POU6F2: variants seen among roughly 807,000 people sequenced by gnomAD.
POU6F2 encodes POU class 6 homeobox 2.
A neutral mutation model predicts 71.3 loss-of-function variants in POU6F2; 31 were observed. That is an observed-to-expected ratio of 0.43 (90% CI 0.33 to 0.59). The LOEUF (loss-of-function observed/expected upper bound fraction) is 0.59. Among genes scored for constraint, POU6F2 ranks in the 20% least tolerant of loss-of-function variants. The pLI, the probability that POU6F2 is intolerant of heterozygous loss-of-function variation, is 0.04. For synonymous variants in POU6F2, 347 were observed against 355.7 expected (o/e 0.98, Z 0.27); for missense variants, 783 against 856.8 (o/e 0.91, Z 1.07).
chr7:39,166,851 C>A (rs1793125831), intron 2 of POU6F2, among the ~76,000 whole-genome samples: 1 of 152,268 alleles, frequency 6.6e-6, no homozygotes, highest in Admixed American at 6.5e-5. Flanking sequence ...ATTTCATGAC[C>A]AGTAGTGTCC....
At chr7:39,139,234 G>A (rs1307682396) in intron 2 of POU6F2, among the ~76,000 whole-genome samples, 1 of 152,126 alleles carries the variant, frequency 6.6e-6, no homozygotes, top group African/African-American at 2.4e-5. Flanking sequence ...AGATTATTGA[G>A]GCATTAGAGG....
chr7:39,314,793 T>TA (rs1229892331), intron 4 of POU6F2, among the ~76,000 whole-genome samples: 1 of 151,952 alleles, frequency 6.6e-6, no homozygotes, highest in South Asian at 2.1e-4. Flanking sequence ...AAGCGCTGAA[T>TA]AAAAAAAGAA....
At chr7:39,321,645 A>C (rs564375477) in intron 4 of POU6F2, among the ~76,000 whole-genome samples, 1 of 152,328 alleles carries the variant, frequency 6.6e-6, no homozygotes, top group East Asian at 1.9e-4. Context: ...GTTTTCCCAG[A>C]TAGGATGTGA....
chr7:39,139,572 C>G (rs1792455570), intron 2 of POU6F2, among the ~76,000 whole-genome samples: 1 of 152,200 alleles, frequency 6.6e-6, no homozygotes, highest in Admixed American at 6.5e-5. Flanking sequence ...ACTCTGGATG[C>G]TGTTTTGCAA....
At chr7:39,136,475 C>T (rs908834283) in intron 2 of POU6F2, among the ~76,000 whole-genome samples, 1 of 152,068 alleles carries the variant, frequency 6.6e-6, no homozygotes, top group African/African-American at 2.4e-5. Flanking sequence ...TAGTATGCAC[C>T]AACGTCCTGG....
intron 4 of POU6F2, among the ~76,000 whole-genome samples, chr7:39,287,917 G>T (rs1169200224): frequency 6.6e-6 from 1 of 152,132 alleles, no homozygotes; most frequent in Non-Finnish European, 1.5e-5. Flanking sequence ...AGATGCTCAG[G>T]GGGGCTTTCT....
At chr7:38,995,878 A>G (rs1788720168) in intron 1 of POU6F2, among the ~76,000 whole-genome samples, 1 of 152,136 alleles carries the variant, frequency 6.6e-6, no homozygotes. Flanking sequence ...TAATCTGATT[A>G]TTGCCACCCA....
chr7:39,096,969 TTA>T (rs1791467553), intron 2 of POU6F2, among the ~76,000 whole-genome samples: 1 of 152,166 alleles, frequency 6.6e-6, no homozygotes, highest in African/African-American at 2.4e-5. Context: ...ATATGTGGAA[TTA>T]TTTTTTAAAT....
intron 2 of POU6F2, chr7:39,120,951 T>G (rs1296957141): frequency 1.3e-5 from 2 of 152,220 alleles, no homozygotes; most frequent in Non-Finnish European, 2.9e-5. Context: ...TTTGCAAGAT[T>G]CTGCTAGGCC....
chr7:39,204,918 C>G (rs1378874499), intron 3 of POU6F2, among the ~76,000 whole-genome samples: 1 of 103,106 alleles, frequency 9.7e-6, no homozygotes, highest in Admixed American at 9.7e-5. Flanking sequence ...TTTTTTTTTT[C>G]CTTTTTACCT....
chr7:39,420,336 A>T (rs1787824055), intron 6 of POU6F2, among the ~76,000 whole-genome samples: 1 of 152,352 alleles, frequency 6.6e-6, no homozygotes, highest in East Asian at 1.9e-4. Flanking sequence ...CCTTAAATGA[A>T]CACAAAAGGA....
At chr7:39,075,698 A>G (rs1033969232) in intron 1 of POU6F2, among the ~76,000 whole-genome samples, 4 of 152,218 alleles carry the variant, frequency 2.6e-5, no homozygotes, top group Non-Finnish European at 5.9e-5. Context: ...TAGTGCTGGC[A>G]GTGGCCAGCT....
intron 1 of POU6F2, among the ~76,000 whole-genome samples, chr7:39,054,101 C>G (rs1273490029): frequency 6.6e-6 from 1 of 150,834 alleles, no homozygotes; most frequent in South Asian, 2.1e-4. Flanking sequence ...GACTCCATCT[C>G]CAAAAAAAAG....
chr7:39,420,258 A>G (rs1207277434), intron 6 of POU6F2, among the ~76,000 whole-genome samples: 3 of 152,218 alleles, frequency 2.0e-5, no homozygotes, highest in Admixed American at 2.0e-4. Flanking sequence ...ACTATTTAGG[A>G]TTTTTAATAC....
At position 39,030,187 on chromosome 7, in the gene POU6F2, A is replaced by G. The variant is rs535875600; in HGVS notation, c.105+52129A>G. ...GTGAAGTCCTAAAATCATGAATTAAATGTATATAATAATGAAGAAAGATGT... is the reference window on the plus strand; with the variant it reads ...GTGAAGTCCTAAAATCATGAATTAAGTGTATATAATAATGAAGAAAGATGT... On this transcript the variant is annotated intron_variant, in intron 1 of 9. Transcript: ENST00000518318. Among the ~76,000 whole-genome samples the G allele has an allele frequency of 3.6e-4, 54 of 152,102 alleles. 1 individual carries two copies. In the East Asian group the frequency reaches 8.7e-3, roughly 25 times the overall value.
chr7:39,408,312 G>A (rs911991913), intron 6 of POU6F2, among the ~76,000 whole-genome samples: 4 of 152,094 alleles, frequency 2.6e-5, no homozygotes, highest in Non-Finnish European at 5.9e-5. Flanking sequence ...AAAATACACT[G>A]ATATGCTCCA....
At chr7:39,442,720 T>C (rs536940119) in intron 7 of POU6F2, among the ~76,000 whole-genome samples, 2 of 152,310 alleles carry the variant, frequency 1.3e-5, no homozygotes, top group East Asian at 1.9e-4. Flanking sequence ...CAAAATTATC[T>C]CTGGGGGAAA....
At chr7:39,100,891 C>G (rs1791557020) in intron 2 of POU6F2, among the ~76,000 whole-genome samples, 1 of 152,038 alleles carries the variant, frequency 6.6e-6, no homozygotes, top group African/African-American at 2.4e-5. Flanking sequence ...AAAACAAATA[C>G]AAGGTTGGGC....
At chr7:38,996,035 CTTTTTTTTTTTTT>C (rs5883669) in intron 1 of POU6F2, among the ~76,000 whole-genome samples, 3 of 85,390 alleles carry the variant, frequency 3.5e-5, no homozygotes, top group African/African-American at 1.4e-4. Context: ...AGGGGCTTGG[CTTTTTTTTTTTTT>C]TTTTTTTTTA....
Sources: allele counts gnomAD v4.1 joint callset (sites outside exome capture counted in the v4.1 genomes callset), GRCh38; gene constraint gnomAD v4.1.1; transcripts MANE v1.5; gene names NCBI Gene and HGNC (gene_info 2026-07-23, HGNC 2026-07-21).